The following EXOC6 variants were observed in gnomAD, a reference collection of about 807,000 sequenced individuals.
The protein encoded by EXOC6 is SEC15-like 1.
Under a neutral mutation model 112.5 loss-of-function variants are expected in EXOC6, and 60 were observed. That is an observed-to-expected ratio of 0.53 (90% CI 0.43 to 0.66). The LOEUF is 0.66. EXOC6 is among the 30% of genes least tolerant of loss of function. The pLI is 0.00. For synonymous variants in EXOC6, 295 were observed against 308.0 expected, an observed-to-expected ratio of 0.96 and a Z score of 0.44; for missense variants, 855 against 957.1, an observed-to-expected ratio of 0.89 and a Z score of 1.41.
chr10:92,935,811 C>T lies in EXOC6; in HGVS notation c.1141-3C>T, dbSNP rs1852308737. On this transcript the variant is annotated splice_region_variant and splice_polypyrimidine_tract_variant and intron_variant, in intron 11 of 21. Transcript: ENST00000260762. Reference sequence around the variant, plus strand: ...TGTTTTGTTTGTGTGTTTCCACCCTCAGTCCTATTGCACTGATCCTGATCT... The same window carrying T: ...TGTTTTGTTTGTGTGTTTCCACCCTTAGTCCTATTGCACTGATCCTGATCT... The T allele has an allele frequency of 1.2e-5, 20 of 1,600,968 alleles. No homozygotes were observed. The highest frequency in any genetic ancestry group is 1.7e-5 in the Non-Finnish European group (20 of 1,171,130).
chr10:92,951,196 C>T (rs2134006157), intron 14 of EXOC6, among the ~76,000 whole-genome samples: 1 of 152,128 alleles, frequency 6.6e-6, no homozygotes, highest in South Asian at 2.1e-4. Flanking sequence ...TGAATTTGGA[C>T]TTAAGAGAAA....
At chr10:92,933,805 A>G (rs867521505) in intron 9 of EXOC6, among the ~76,000 whole-genome samples, 4 of 152,126 alleles carry the variant, frequency 2.6e-5, no homozygotes, top group South Asian at 2.1e-4. Flanking sequence ...TGGCAGCTGG[A>G]CATTCTGGTA....
At chr10:92,864,895 T>G (rs1442386523) in intron 1 of EXOC6, among the ~76,000 whole-genome samples, 1 of 152,132 alleles carries the variant, frequency 6.6e-6, no homozygotes, top group Non-Finnish European at 1.5e-5. Flanking sequence ...TTCATAATGG[T>G]GTGAGCCCAT....
chr10:92,879,080 G>A (rs765217650), intron 1 of EXOC6, among the ~76,000 whole-genome samples: 4 of 152,170 alleles, frequency 2.6e-5, no homozygotes, highest in Admixed American at 6.5e-5. Flanking sequence ...TTTATACAAT[G>A]TTGTCTTTTC....
chr10:93,011,689 G>A (rs781737872), intron 19 of EXOC6, among the ~76,000 whole-genome samples: 46 of 151,926 alleles, frequency 3.0e-4, no homozygotes, highest in Non-Finnish European at 5.4e-4. Context: ...TTTGCTTATC[G>A]TTTTTCAGTT....
chr10:92,954,593 A>C, intron 15 of EXOC6, 37 bp from the exon 16 acceptor site: 1 of 1,018,484 alleles, frequency 9.8e-7, no homozygotes, highest in Non-Finnish European at 1.5e-6. Context: ...CACATTCATT[A>C]TTTATTAAGT....
At chr10:93,009,961 C>T (rs537040450) in intron 19 of EXOC6, among the ~76,000 whole-genome samples, 3 of 152,232 alleles carry the variant, frequency 2.0e-5, no homozygotes, top group Admixed American at 1.3e-4. Context: ...GAGGTTGCAC[C>T]AGAAGCAGGG....
At chr10:92,862,462 G>A (rs954960022) in intron 1 of EXOC6, among the ~76,000 whole-genome samples, 3 of 152,134 alleles carry the variant, frequency 2.0e-5, no homozygotes, top group Non-Finnish European at 4.4e-5. Context: ...TTATGAGAGA[G>A]AGAGAGAGAT....
intron 1 of EXOC6, among the ~76,000 whole-genome samples, chr10:92,867,344 A>G (rs1038828333): frequency 1.3e-5 from 2 of 152,204 alleles, no homozygotes; most frequent in African/African-American, 4.8e-5. Flanking sequence ...TTTAGGGGTG[A>G]TAACTTACTG....
chr10:92,944,221 G>A (rs563834021), intron 13 of EXOC6, among the ~76,000 whole-genome samples: 1 of 128,616 alleles, frequency 7.8e-6, no homozygotes, highest in East Asian at 2.0e-4. Context: ...TTGAGATACC[G>A]ATCTTTTTTT....
At chr10:92,985,011 A>G (rs1312639534) in intron 18 of EXOC6, among the ~76,000 whole-genome samples, 1 of 152,070 alleles carries the variant, frequency 6.6e-6, no homozygotes, top group East Asian at 1.9e-4. Flanking sequence ...AAACAAAACA[A>G]AACAAAACAA....
intron 19 of EXOC6, among the ~76,000 whole-genome samples, chr10:93,006,602 A>G (rs1843995701): frequency 6.6e-6 from 1 of 152,186 alleles, no homozygotes; most frequent in Non-Finnish European, 1.5e-5. Context: ...AACTCTCCTG[A>G]TTCCCAGGCA....
chr10:93,034,475 C>T (rs1218101490), intron 20 of EXOC6, among the ~76,000 whole-genome samples: 1 of 152,194 alleles, frequency 6.6e-6, no homozygotes, highest in African/African-American at 2.4e-5. Context: ...CCATGTACAT[C>T]ACCATAGAAA....
chr10:92,903,188 G>A (rs1850265946), intron 5 of EXOC6, among the ~76,000 whole-genome samples: 1 of 151,888 alleles, frequency 6.6e-6, no homozygotes, highest in African/African-American at 2.4e-5. Flanking sequence ...TATTTTAGTA[G>A]TACCATTTAC....
chr10:93,057,673 TAAA>T (rs775550215), intron 21 of EXOC6, among the ~76,000 whole-genome samples: 126 of 152,110 alleles, frequency 8.3e-4, no homozygotes, highest in Admixed American at 2.2e-3. Flanking sequence ...ATAAGAAAAA[TAAA>T]AAAGTATCAC....
At chr10:93,035,208 C>A (rs562117502) in intron 20 of EXOC6, among the ~76,000 whole-genome samples, 2 of 152,264 alleles carry the variant, frequency 1.3e-5, no homozygotes, top group African/African-American at 4.8e-5. Context: ...CTTCTTTTTG[C>A]TCCAGTGTCA....
intron 5 of EXOC6, among the ~76,000 whole-genome samples, chr10:92,908,571 T>C (rs1850570813): frequency 1.3e-5 from 2 of 152,180 alleles, no homozygotes; most frequent in South Asian, 4.1e-4. Context: ...AGGAAACTGA[T>C]AGTTTGGTAA....
At chr10:93,002,535 A>G (rs115789657) in intron 19 of EXOC6, among the ~76,000 whole-genome samples, 2,156 of 152,278 alleles carry the variant, frequency 0.014, 40 homozygotes, top group African/African-American at 0.048. Flanking sequence ...ATTTGCTTGA[A>G]TAGACCCTCC....
chr10:92,962,909 T>A (rs1477086269), intron 17 of EXOC6, among the ~76,000 whole-genome samples: 1 of 152,216 alleles, frequency 6.6e-6, no homozygotes, highest in Non-Finnish European at 1.5e-5. Context: ...AGACTTAAAC[T>A]CTATAATGAT....
Sources: allele counts gnomAD v4.1 joint callset (sites outside exome capture counted in the v4.1 genomes callset), GRCh38; gene constraint gnomAD v4.1.1; transcripts MANE v1.5; gene names NCBI Gene and HGNC (gene_info 2026-07-23, HGNC 2026-07-21).